DNER: variants seen among roughly 807,000 people sequenced by gnomAD.
DNER encodes the protein delta/notch like EGF repeat containing.
A neutral mutation model predicts 78.2 loss-of-function variants in DNER; 33 were observed. That is an observed-to-expected ratio of 0.42 (90% CI 0.32 to 0.56). The LOEUF is 0.56. Ranked by LOEUF, DNER falls within the 20% of genes least tolerant of loss-of-function variation. The pLI is 0.11. For missense variants in DNER, 918 were observed against 975.3 expected (o/e 0.94, Z 0.78); for synonymous variants, 417 against 384.8 (o/e 1.08, Z -0.98).
chr2:229,564,582 C>T (rs988117032), intron 4 of DNER, among the ~76,000 whole-genome samples: 1 of 147,336 alleles, frequency 6.8e-6, no homozygotes, highest in Non-Finnish European at 1.5e-5. Flanking sequence ...CATCATCACC[C>T]CATCACCATC....
intron 5 of DNER, among the ~76,000 whole-genome samples, chr2:229,535,853 A>C (rs1696393523): frequency 6.6e-6 from 1 of 152,176 alleles, no homozygotes; most frequent in African/African-American, 2.4e-5. Flanking sequence ...CATGTTGGCC[A>C]GGCTGTTCTC....
intron 1 of DNER, among the ~76,000 whole-genome samples, chr2:229,628,534 A>C (rs895937476): frequency 6.6e-6 from 1 of 152,226 alleles, no homozygotes; most frequent in African/African-American, 2.4e-5. Flanking sequence ...TTTGTCCAAA[A>C]GATATCTTAT....
intron 1 of DNER, among the ~76,000 whole-genome samples, chr2:229,668,552 A>G (rs867202269): frequency 0.03 from 3,282 of 109,688 alleles, 133 homozygotes; most frequent in Non-Finnish European, 0.039. Context: ...ATATATATAT[A>G]TATATATATA....
At chr2:229,463,425 C>T (rs557335360) in intron 7 of DNER, among the ~76,000 whole-genome samples, 1 of 151,996 alleles carries the variant, frequency 6.6e-6, no homozygotes, top group Admixed American at 6.6e-5. Context: ...ATCACTAGAT[C>T]AAAATGAAAG....
chr2:229,489,587 C>T (rs935590595), intron 6 of DNER, among the ~76,000 whole-genome samples: 2 of 151,838 alleles, frequency 1.3e-5, no homozygotes, highest in African/African-American at 2.4e-5. Flanking sequence ...AGACACATTG[C>T]TGCCTGGTGC....
In DNER at chr2:229,714,200, T is replaced by C. The variant is rs1034032816; in HGVS notation, c.224A>G (p.Glu75Gly). 169 of 1,376,836 alleles carry C rather than the reference T, an allele frequency of 1.2e-4. No individual in the cohort carries two copies. Among genetic ancestry groups the C allele is most frequent in the Non-Finnish European group, 1.4e-4 (150 of 1,069,106 alleles). 85.3% of individuals were successfully genotyped at this position (1,376,836 alleles called of 1,614,324 possible). A position where few individuals can be genotyped will look rare whatever the true frequency, so the allele number is the denominator to read the frequency against. The change falls in exon 1 of 13, where the codon GAG becomes GGG. Residue 75 changes from glutamate to glycine, a missense_variant. Glu to Gly is a moderately conservative substitution (Grantham distance 98). Coordinates refer to ENST00000341772, the MANE Select transcript of DNER (RefSeq NM_139072.4). ...GGGGCAGGTGCAGCTGTAGCCAGGCTCGCCGGCGGGGGCCGGGTGCTGCGG... is the reference window on the plus strand; with the variant it reads ...GGGGCAGGTGCAGCTGTAGCCAGGCCCGCCGGCGGGGGCCGGGTGCTGCGG... The part of the protein sequence containing the change: ...PDPQHPAPAG[E>G]PGYSCTCPAG...
intron 5 of DNER, among the ~76,000 whole-genome samples, chr2:229,541,204 C>T (rs1021669251): frequency 1.3e-5 from 2 of 152,112 alleles, no homozygotes; most frequent in African/African-American, 4.8e-5. Context: ...CACCCTGCTG[C>T]CCAATAAAAG....
At chr2:229,465,189 G>T (rs144314190) in intron 7 of DNER, among the ~76,000 whole-genome samples, 1 of 152,102 alleles carries the variant, frequency 6.6e-6, no homozygotes, top group African/African-American at 2.4e-5. Flanking sequence ...TCAAATGCCC[G>T]TCAATGATAG....
At chr2:229,612,058 T>C (rs1648369040) in intron 1 of DNER, among the ~76,000 whole-genome samples, 1 of 152,228 alleles carries the variant, frequency 6.6e-6, no homozygotes, top group African/African-American at 2.4e-5. Flanking sequence ...TCAACCATAC[T>C]CTGGAGTCAA....
intron 5 of DNER, among the ~76,000 whole-genome samples, chr2:229,528,364 A>G (rs1696243883): frequency 1.3e-5 from 2 of 152,226 alleles, no homozygotes; most frequent in Admixed American, 1.3e-4. Context: ...AATGCTCTAC[A>G]AAGTGCTTCC....
At chr2:229,526,511 C>A (rs1696211336) in intron 5 of DNER, among the ~76,000 whole-genome samples, 1 of 152,120 alleles carries the variant, frequency 6.6e-6, no homozygotes, top group African/African-American at 2.4e-5. Flanking sequence ...ACAATTTTTC[C>A]CTGGACAGGG....
Position 229,591,639 on chromosome 2 carries a change from GC to G in DNER, c.525del (p.Pro176LeufsTer12). 6.2e-7 allele frequency: 1 copy of G among 1,614,186 alleles called. No individual in the cohort carries two copies. The highest frequency in any genetic ancestry group is 8.5e-7 in the Non-Finnish European group (1 of 1,180,030). On this transcript the variant is annotated frameshift_variant, in exon 2 of 13. Coordinates refer to ENST00000341772, the MANE Select transcript of DNER (RefSeq NM_139072.4). LOFTEE classifies it high-confidence loss of function. This position sits in a 1 kb window ranked among gnomAD's most constrained non-coding sequence, Gnocchi z 4.6. ...ILPRSQATVT[L>X]PTWQPKTGQK... ...TGCCCTGTTTTCGGCTGCCAGGTAG[GC>G]AGTGTCACCGTTGCCTGAGAGCGAG...
At chr2:229,592,136 A>G (rs1227462741) in intron 1 of DNER, among the ~76,000 whole-genome samples, 4 of 152,208 alleles carry the variant, frequency 2.6e-5, no homozygotes, top group Non-Finnish European at 5.9e-5. Flanking sequence ...CTCAAAACCC[A>G]AAACACCCAA....
At chr2:229,590,498 T>C (rs762209177) in intron 2 of DNER, among the ~76,000 whole-genome samples, 6 of 152,218 alleles carry the variant, frequency 3.9e-5, no homozygotes, top group Non-Finnish European at 5.9e-5. Context: ...TGCTGTGGTC[T>C]GAATGTCTGC....
chr2:229,425,172 C>T (rs972056703), intron 8 of DNER, among the ~76,000 whole-genome samples: 1 of 152,132 alleles, frequency 6.6e-6, no homozygotes, highest in Non-Finnish European at 1.5e-5. Context: ...GTACTGCTAT[C>T]CCACAGAAGG....
chr2:229,645,395 C>A (rs1331336556), intron 1 of DNER, among the ~76,000 whole-genome samples: 1 of 152,190 alleles, frequency 6.6e-6, no homozygotes, highest in Non-Finnish European at 1.5e-5. Context: ...AATAGGTGAA[C>A]AGGATCAAAC....
chr2:229,623,006 T>C (rs1698276153), intron 1 of DNER, among the ~76,000 whole-genome samples: 2 of 152,210 alleles, frequency 1.3e-5, no homozygotes, highest in South Asian at 4.1e-4. Context: ...GAAAGACATC[T>C]GGTCAACCGT....
In DNER at chr2:229,603,074, C is replaced by G. The variant is rs1168626045; in HGVS notation, c.277-11186G>C. Among the ~76,000 whole-genome samples the G allele has an allele frequency of 3.3e-5, 5 of 152,292 alleles. No individual in the cohort carries two copies. The East Asian group carries it at 7.7e-4, about 24-fold the overall frequency. The stretch of plus-strand genomic sequence containing the variant: ...AAACAGAAAGGATCACACAGGGACA[C>G]TTGACTTCTAGAATAGAGTCTTTTC... On this transcript the variant is annotated intron_variant, in intron 1 of 12. Transcript: ENST00000341772.
At chr2:229,404,365 A>G (rs1287110403) in intron 10 of DNER, among the ~76,000 whole-genome samples, 14 of 152,212 alleles carry the variant, frequency 9.2e-5, no homozygotes, top group Non-Finnish European at 1.8e-4. Context: ...GGCAGGAGAC[A>G]GAATGAGAGC....
Sources: allele counts gnomAD v4.1 joint callset (sites outside exome capture counted in the v4.1 genomes callset), GRCh38; gene constraint gnomAD v4.1.1; non-coding constraint Gnocchi (gnomAD v3.1); transcripts MANE v1.5; gene names NCBI Gene and HGNC (gene_info 2026-07-23, HGNC 2026-07-21).